The following PRKCI variants were observed in gnomAD, a reference collection of about 807,000 sequenced individuals.
The protein encoded by PRKCI is protein kinase C iota type.
In PRKCI, 43 loss-of-function variants were observed where a neutral mutation model predicts 84.0. The observed-to-expected ratio is 0.51, with a 90% CI of 0.40 to 0.66. The LOEUF (loss-of-function observed/expected upper bound fraction) is 0.66. Ranked by LOEUF, PRKCI falls within the 30% of genes least tolerant of loss-of-function variation. PRKCI has a pLI of 0.00. For synonymous variants in PRKCI, 216 were observed against 234.4 expected (o/e 0.92, Z 0.72); for missense variants, 459 against 745.6 (o/e 0.62, Z 4.48).
At chr3:170,245,623 C>T (rs1301479336) in intron 2 of PRKCI, among the ~76,000 whole-genome samples, 1 of 152,156 alleles carries the variant, frequency 6.6e-6, no homozygotes, top group African/African-American at 2.4e-5. Flanking sequence ...GACCACTGTT[C>T]ACACGGGATA....
intron 6 of PRKCI, among the ~76,000 whole-genome samples, chr3:170,270,991 A>T (rs1733988773): frequency 6.6e-6 from 1 of 151,544 alleles, no homozygotes; most frequent in African/African-American, 2.4e-5. Flanking sequence ...AGCATTTAAA[A>T]TTTTTATTTA....
intron 10 of PRKCI, 72 bp from the exon 11 acceptor site, chr3:170,281,810 G>T: frequency 6.6e-7 from 1 of 1,506,728 alleles, no homozygotes. Context: ...CTGTTGTGAT[G>T]GTTTCTGAAA....
At chr3:170,238,107 A>T (rs948966099) in intron 2 of PRKCI, among the ~76,000 whole-genome samples, 2 of 152,166 alleles carry the variant, frequency 1.3e-5, no homozygotes, top group African/African-American at 4.8e-5. Context: ...TCATGCCTAT[A>T]ATCCCAGCAT....
Position 170,263,360 on chromosome 3 carries a change from T to G in PRKCI, c.314-19T>G. 6.3e-7 allele frequency: 1 copy of G among 1,585,042 alleles called. No homozygotes were observed. Among genetic ancestry groups the G allele is most frequent in the Non-Finnish European group, 8.7e-7 (1 of 1,154,298 alleles). On this transcript the variant is annotated intron_variant, in intron 3 of 17. Coordinates refer to ENST00000295797, the MANE Select transcript of PRKCI (RefSeq NM_002740.6). ...GTTTTAAATATGCTGTTAACTCATG[T>G]TCGTTTATTTTCTTTCAGTGTTCCC... is the stretch of plus-strand genomic sequence containing the variant.
intron 2 of PRKCI, among the ~76,000 whole-genome samples, chr3:170,252,873 A>G (rs1404709291): frequency 6.6e-6 from 1 of 152,190 alleles, no homozygotes; most frequent in African/African-American, 2.4e-5. Context: ...ACTCTCCACC[A>G]CTATCGTTCC....
Position 170,271,033 on chromosome 3 carries a change from T to G in PRKCI, c.591+472T>G, listed in dbSNP as rs146067905. On this transcript the variant is annotated intron_variant, in intron 6 of 17. Transcript: ENST00000295797. ...TCTATTTTAAATATATAAAACATGTTTGTTATCGAAAAAAATACAGAATAC... is the reference window on the plus strand; with the variant it reads ...TCTATTTTAAATATATAAAACATGTGTGTTATCGAAAAAAATACAGAATAC... 4.6e-5 allele frequency among the ~76,000 whole-genome samples: 7 copies of G among 150,796 alleles called. No individual in the cohort carries two copies. In the East Asian group the frequency reaches 1.2e-3, roughly 25 times the overall value.
At chr3:170,266,903 G>T (rs185408554) in intron 4 of PRKCI, among the ~76,000 whole-genome samples, 229 of 152,364 alleles carry the variant, frequency 1.5e-3, no homozygotes, top group African/African-American at 5.2e-3. Context: ...CGAGGCAGGA[G>T]AATTGCTTAA....
chr3:170,291,747 A>T, intron 12 of PRKCI, 107 bp from the exon 13 acceptor site: 1 of 782,032 alleles, frequency 1.3e-6, no homozygotes, highest in Non-Finnish European at 2.2e-6. Flanking sequence ...AAGTGAGCTT[A>T]ATGTATCACT....
chr3:170,267,894 TA>T lies in PRKCI; in HGVS notation c.365-19del. 2 of 1,520,646 alleles carry T rather than the reference TA, an allele frequency of 1.3e-6. No homozygotes were observed. The highest frequency in any genetic ancestry group is 8.9e-7 in the Non-Finnish European group (1 of 1,126,090). 94.2% of individuals were successfully genotyped at this position (1,520,646 alleles called of 1,614,324 possible). On this transcript the variant is annotated intron_variant, in intron 4 of 17. Coordinates refer to ENST00000295797, the MANE Select transcript of PRKCI (RefSeq NM_002740.6). ...TCAAACTTGCTCTTTTTTCTTTTTT[TA>T]ACTATTACTCTGTCTTCAGAATCCA...
chr3:170,254,913 T>C (rs1183271295), intron 2 of PRKCI, among the ~76,000 whole-genome samples: 1 of 152,048 alleles, frequency 6.6e-6, no homozygotes, highest in Non-Finnish European at 1.5e-5. Flanking sequence ...TTGCTTTCAG[T>C]AGTATGGACA....
intron 12 of PRKCI, among the ~76,000 whole-genome samples, chr3:170,285,325 T>C (rs1401824442): frequency 1.3e-5 from 2 of 152,210 alleles, no homozygotes; most frequent in South Asian, 2.1e-4. Flanking sequence ...ATGATCCGCC[T>C]GCCTCAGCCT....
intron 2 of PRKCI, among the ~76,000 whole-genome samples, chr3:170,245,951 T>TTTTTTTTTTTGTTTTTTTG (rs546211295): frequency 2.8e-5 from 1 of 35,338 alleles, no homozygotes; most frequent in African/African-American, 9.5e-5. Context: ...ATGTCTTTGT[T>TTTTTTTTTTTGTTTTTTTG]TTTTTTTTTT....
chr3:170,234,832 C>T (rs1172712540), intron 1 of PRKCI, among the ~76,000 whole-genome samples: 9 of 152,004 alleles, frequency 5.9e-5, no homozygotes, highest in Admixed American at 4.6e-4. Context: ...TTGACACAGT[C>T]TCCTCTGTTG....
intron 3 of PRKCI, among the ~76,000 whole-genome samples, chr3:170,261,127 A>ATT (rs982994574): frequency 5.9e-5 from 8 of 134,606 alleles, no homozygotes; most frequent in South Asian, 2.4e-4. Context: ...TGACTGGCTA[A>ATT]TTTTTTTTTT....
chr3:170,248,873 A>C (rs1733362793), intron 2 of PRKCI, among the ~76,000 whole-genome samples: 2 of 141,950 alleles, frequency 1.4e-5, no homozygotes, highest in Non-Finnish European at 3.1e-5. Context: ...TTTGAGAGGG[A>C]GTCTTGCTTT....
At chr3:170,300,683 A>ATTT (rs201572419) in intron 17 of PRKCI, among the ~76,000 whole-genome samples, 1 of 138,338 alleles carries the variant, frequency 7.2e-6, no homozygotes. Flanking sequence ...ATTGTCTTGA[A>ATTT]TTTTTTTTTT....
chr3:170,248,948 T>C (rs1403878866), intron 2 of PRKCI, among the ~76,000 whole-genome samples: 1 of 151,766 alleles, frequency 6.6e-6, no homozygotes, highest in Non-Finnish European at 1.5e-5. Flanking sequence ...CCCAGGTTCA[T>C]GCCATTCTCC....
chr3:170,254,878 A>T (rs767098268), intron 2 of PRKCI, among the ~76,000 whole-genome samples: 3 of 151,728 alleles, frequency 2.0e-5, no homozygotes, highest in East Asian at 1.9e-4. Context: ...TGGTATTTTG[A>T]TAGGGATTAC....
intron 1 of PRKCI, among the ~76,000 whole-genome samples, chr3:170,225,484 T>C (rs1260622486): frequency 6.6e-6 from 1 of 152,200 alleles, no homozygotes. Flanking sequence ...GAGAACATTC[T>C]GCATTTGAAA....
Sources: gnomAD v4.1 joint callset for allele counts (sites outside exome capture counted in the v4.1 genomes callset) on GRCh38, gnomAD v4.1.1 for gene constraint, MANE v1.5 for transcripts, NCBI Gene and HGNC (gene_info 2026-07-23, HGNC 2026-07-21) for gene names.